The following PDSS2 variants were observed in gnomAD, a reference collection of about 807,000 sequenced individuals.
The protein encoded by PDSS2 is decaprenyl diphosphate synthase subunit 2.
Under a neutral mutation model 44.5 loss-of-function variants are expected in PDSS2, and 31 were observed. That is an observed-to-expected ratio of 0.70 (90% CI 0.52 to 0.94). The LOEUF is 0.94. Among genes scored for constraint, PDSS2 ranks in the 40% least tolerant of loss-of-function variants. PDSS2 has a pLI of 0.00. For synonymous variants in PDSS2, 157 were observed against 180.3 expected (o/e 0.87, Z 1.03); for missense variants, 452 against 482.2 (o/e 0.94, Z 0.59).
chr6:107,410,544 A>G (rs1483775421), intron 1 of PDSS2, among the ~76,000 whole-genome samples: 1 of 152,146 alleles, frequency 6.6e-6, no homozygotes, highest in East Asian at 1.9e-4. Flanking sequence ...GCTGGAGTGC[A>G]GTGGCACAAC....
At chr6:107,446,839 G>T (rs994369978) in intron 1 of PDSS2, among the ~76,000 whole-genome samples, 1 of 151,404 alleles carries the variant, frequency 6.6e-6, no homozygotes, top group Non-Finnish European at 1.5e-5. Flanking sequence ...GAATTATGGG[G>T]ATTACAGTTC....
chr6:107,343,190 C>G (rs1351477620), intron 1 of PDSS2, among the ~76,000 whole-genome samples: 1 of 152,142 alleles, frequency 6.6e-6, no homozygotes, highest in African/African-American at 2.4e-5. Context: ...AGATGGATGT[C>G]AAATTCTAAC....
chr6:107,213,209 C>T (rs1274485831), intron 4 of PDSS2, among the ~76,000 whole-genome samples: 2 of 152,046 alleles, frequency 1.3e-5, no homozygotes, highest in Non-Finnish European at 1.5e-5. Context: ...CAGAGTTTCT[C>T]CATGTTGGCC....
intron 1 of PDSS2, among the ~76,000 whole-genome samples, chr6:107,354,192 C>CA (rs1475389266): frequency 6.6e-6 from 1 of 152,104 alleles, no homozygotes; most frequent in African/African-American, 2.4e-5. Context: ...TCTACCTTGG[C>CA]AAGACTTTGT....
chr6:107,181,245 G>T (rs1771963885), intron 7 of PDSS2, among the ~76,000 whole-genome samples: 1 of 152,174 alleles, frequency 6.6e-6, no homozygotes, highest in African/African-American at 2.4e-5. Context: ...AGTATCAGTA[G>T]TACTTGGGGC....
chr6:107,260,002 G>T (rs1414870884), intron 3 of PDSS2, among the ~76,000 whole-genome samples: 5 of 152,250 alleles, frequency 3.3e-5, no homozygotes, highest in Admixed American at 6.5e-5. Context: ...CCTGAAAATG[G>T]TCCCAGAACA....
At chr6:107,286,739 C>T (rs567794451) in intron 2 of PDSS2, among the ~76,000 whole-genome samples, 1 of 151,828 alleles carries the variant, frequency 6.6e-6, no homozygotes, top group Non-Finnish European at 1.5e-5. Flanking sequence ...GATGCTCAAC[C>T]TCACTAATAA....
chr6:107,191,505 C>T (rs1772378543), intron 7 of PDSS2, among the ~76,000 whole-genome samples: 1 of 152,072 alleles, frequency 6.6e-6, no homozygotes, highest in South Asian at 2.1e-4. Context: ...GTGCTAATCA[C>T]AGGAGAGAGG....
At chr6:107,192,418 C>T in intron 7 of PDSS2, 1 of 490,532 alleles carries the variant, frequency 2.0e-6, no homozygotes, top group Non-Finnish European at 4.0e-6. Context: ...AAAGAAGAGG[C>T]AGTGAAGGAA....
At chr6:107,441,902 G>T (rs933580045) in intron 1 of PDSS2, among the ~76,000 whole-genome samples, 1 of 152,136 alleles carries the variant, frequency 6.6e-6, no homozygotes, top group Non-Finnish European at 1.5e-5. Flanking sequence ...TGAAGGAAAT[G>T]ATCTATTTGG....
intron 1 of PDSS2, among the ~76,000 whole-genome samples, chr6:107,363,793 G>T (rs1778864785): frequency 6.6e-6 from 1 of 152,278 alleles, no homozygotes; most frequent in East Asian, 1.9e-4. Flanking sequence ...TACAATCCCT[G>T]AGCTAGATAC....
chr6:107,183,176 C>G (rs543426687), intron 7 of PDSS2, among the ~76,000 whole-genome samples: 15 of 149,328 alleles, frequency 1.0e-4, no homozygotes, highest in Non-Finnish European at 1.9e-4. Context: ...CATGCCACTG[C>G]ACTCCAGCCT....
chr6:107,392,384 A>C (rs1237269341), intron 1 of PDSS2, among the ~76,000 whole-genome samples: 1 of 152,216 alleles, frequency 6.6e-6, no homozygotes, highest in African/African-American at 2.4e-5. Context: ...ATGGCTTTAA[A>C]AATTTTTTTA....
intron 1 of PDSS2, among the ~76,000 whole-genome samples, chr6:107,351,525 T>G (rs1369665725): frequency 1.3e-5 from 2 of 152,180 alleles, no homozygotes; most frequent in Non-Finnish European, 2.9e-5. Flanking sequence ...CTTCAAATAT[T>G]CTTTACTTAA....
At chr6:107,325,763 C>T (rs1777525625) in intron 2 of PDSS2, among the ~76,000 whole-genome samples, 1 of 151,986 alleles carries the variant, frequency 6.6e-6, no homozygotes, top group South Asian at 2.1e-4. Flanking sequence ...TTCTTCTTCC[C>T]GATTTATAAG....
At chr6:107,245,868 A>G (rs1352147749) in intron 3 of PDSS2, among the ~76,000 whole-genome samples, 1 of 152,222 alleles carries the variant, frequency 6.6e-6, no homozygotes, top group Non-Finnish European at 1.5e-5. Context: ...AATATACATG[A>G]AAATCGAGTA....
chr6:107,368,744 G>A (rs996631379), intron 1 of PDSS2, among the ~76,000 whole-genome samples: 1 of 152,036 alleles, frequency 6.6e-6, no homozygotes. Context: ...GGAGGCTGCA[G>A]TGAGATGTGA....
At chr6:107,188,788 C>T (rs143528119) in intron 7 of PDSS2, among the ~76,000 whole-genome samples, 3 of 152,324 alleles carry the variant, frequency 2.0e-5, no homozygotes, top group African/African-American at 4.8e-5. Flanking sequence ...AGGTGACATG[C>T]CCAATACCCT....
In PDSS2 at chr6:107,227,278, CTTTTT is replaced by C. The variant is rs60988844; in HGVS notation, c.703-15001_703-14997del. Among the ~76,000 whole-genome samples the C allele has an allele frequency of 3.1e-4, 32 of 102,812 alleles. 1 individual carries two copies. The highest frequency in any genetic ancestry group is 6.9e-4 in the African/African-American group (18 of 26,006). The allele number at this position is 102,812 out of a possible 152,430, so 67.4% of individuals were successfully genotyped here. A position where few individuals can be genotyped will look rare whatever the true frequency, so the allele number is the denominator to read the frequency against. On this transcript the variant is annotated intron_variant, in intron 4 of 7. Transcript: ENST00000369037. ...GATTATAGGTGTAAGCCACTGTGCC[CTTTTT>C]TTTTTTTTTTTTTTTTTTTTTTTGA...
Sources: allele counts gnomAD v4.1 joint callset (sites outside exome capture counted in the v4.1 genomes callset), GRCh38; gene constraint gnomAD v4.1.1; transcripts MANE v1.5; gene names NCBI Gene and HGNC (gene_info 2026-07-23, HGNC 2026-07-21).